The following SEMA6D variants were observed in gnomAD, a reference collection of about 807,000 sequenced individuals.
The protein encoded by SEMA6D is semaphorin-6D.
Under a neutral mutation model 106.6 loss-of-function variants are expected in SEMA6D, and 35 were observed. The observed-to-expected ratio is 0.33, with a 90% confidence interval of 0.25 to 0.44. The LOEUF (loss-of-function observed/expected upper bound fraction) is 0.44. Ranked by LOEUF, SEMA6D falls within the 20% of genes least tolerant of loss-of-function variation. The pLI, the probability that SEMA6D is intolerant of heterozygous loss-of-function variation, is 1.00. For synonymous variants in SEMA6D, 499 were observed against 487.7 expected, an observed-to-expected ratio of 1.02 and a Z score of -0.31; for missense variants, 1,185 against 1,345.9, an observed-to-expected ratio of 0.88 and a Z score of 1.87.
At chr15:47,203,935 T>C (rs1894882217) in intron 1 of SEMA6D, among the ~76,000 whole-genome samples, 1 of 152,150 alleles carries the variant, frequency 6.6e-6, no homozygotes, top group Admixed American at 6.5e-5. Context: ...AAACAGAAAA[T>C]ATCCATGGCA....
intron 1 of SEMA6D, among the ~76,000 whole-genome samples, chr15:47,355,452 G>C (rs2038528274): frequency 6.6e-6 from 1 of 152,124 alleles, no homozygotes; most frequent in Admixed American, 6.5e-5. Context: ...TCAGAAGTGG[G>C]AAAAATAATT....
intron 4 of SEMA6D, among the ~76,000 whole-genome samples, chr15:47,657,876 G>T (rs1246032241): frequency 6.6e-6 from 1 of 150,858 alleles, no homozygotes. Context: ...GAGTAGCTGG[G>T]ACTACAGGGA....
rs151035845 is a variant in SEMA6D at position 47,641,063 on chromosome 15, G to A, written c.-55+40167G>A. Among the ~76,000 whole-genome samples, 28 of 152,260 alleles carry A rather than the reference G, an allele frequency of 1.8e-4. No homozygotes were observed. In the East Asian group the frequency reaches 5.0e-3, roughly 27 times the overall value. On this transcript the variant is annotated intron_variant, in intron 4 of 19. Transcript: ENST00000558014. Reference sequence around the variant, plus strand: ...GTCCTTTTCAAAGCCAAGTTAAATGGAGCGGAGTGGGAGGGGGAGGAGTTG... The same window carrying A: ...GTCCTTTTCAAAGCCAAGTTAAATGAAGCGGAGTGGGAGGGGGAGGAGTTG...
At chr15:47,675,172 T>C (rs979961551) in intron 4 of SEMA6D, among the ~76,000 whole-genome samples, 2 of 152,200 alleles carry the variant, frequency 1.3e-5, no homozygotes, top group East Asian at 1.9e-4. Flanking sequence ...TAATTTAGGA[T>C]GATTTAACTC....
At chr15:47,234,821 G>A (rs62013986) in intron 1 of SEMA6D, among the ~76,000 whole-genome samples, 1,779 of 152,174 alleles carry the variant, frequency 0.012, 34 homozygotes, top group Admixed American at 0.012. Context: ...ATGTGCAGGT[G>A]CATTTTTGAT....
intron 1 of SEMA6D, among the ~76,000 whole-genome samples, chr15:47,408,734 C>T (rs1449441171): frequency 1.3e-5 from 2 of 152,158 alleles, no homozygotes; most frequent in East Asian, 1.9e-4. Flanking sequence ...TTAGGTTTAA[C>T]GAAAGCAATT....
chr15:47,315,831 T>G (rs754095576), intron 1 of SEMA6D, among the ~76,000 whole-genome samples: 11 of 152,136 alleles, frequency 7.2e-5, no homozygotes, highest in Non-Finnish European at 1.3e-4. Flanking sequence ...ACCTAGGTAT[T>G]TCATTTTGGA....
intron 1 of SEMA6D, chr15:47,730,287 C>T (rs1455400665): frequency 7.2e-6 from 11 of 1,533,304 alleles, no homozygotes; most frequent in Admixed American, 1.7e-5. Context: ...ATAGCTTCCA[C>T]CAGCTTAGCC....
chr15:47,624,274 C>T (rs1166653909), intron 4 of SEMA6D, among the ~76,000 whole-genome samples: 1 of 152,192 alleles, frequency 6.6e-6, no homozygotes, highest in Non-Finnish European at 1.5e-5. Flanking sequence ...TACTTGCATG[C>T]TTCCCTAGCT....
intron 2 of SEMA6D, among the ~76,000 whole-genome samples, chr15:47,413,606 C>G (rs572302334): frequency 1.8e-4 from 27 of 152,038 alleles, no homozygotes; most frequent in Non-Finnish European, 3.5e-4. Flanking sequence ...ACCTCAGCCT[C>G]CTGAGTAGCT....
chr15:47,583,557 G>A (rs12907773), intron 3 of SEMA6D, among the ~76,000 whole-genome samples: 37,739 of 152,072 alleles, frequency 0.25, 5,558 homozygotes, highest in East Asian at 0.46. Flanking sequence ...TCAGGATTGC[G>A]TCCTTTGTGC....
chr15:47,304,084 C>T lies in SEMA6D; in HGVS notation c.-238-108309C>T, dbSNP rs188946856. ...GAGTGTTTTAGCATGAGTTTTATAC[C>T]ATTATGCATACATTTTTTCTCCAGA... On this transcript the variant is annotated intron_variant, in intron 1 of 19. Coordinates refer to the SEMA6D transcript ENST00000558014. Among the ~76,000 whole-genome samples, 36 of 152,176 alleles carry T rather than the reference C, an allele frequency of 2.4e-4. No homozygotes were observed. In the East Asian group the frequency reaches 5.4e-3, roughly 23 times the overall value.
At chr15:47,188,176 A>G (rs1201682801) in intron 1 of SEMA6D, among the ~76,000 whole-genome samples, 1 of 152,172 alleles carries the variant, frequency 6.6e-6, no homozygotes, top group Non-Finnish European at 1.5e-5. Context: ...CTATGAGTTT[A>G]GCTCTTATTA....
At chr15:47,732,022 C>A (rs1596843777) in intron 1 of SEMA6D, among the ~76,000 whole-genome samples, 2 of 152,240 alleles carry the variant, frequency 1.3e-5, no homozygotes, top group Non-Finnish European at 2.9e-5. Flanking sequence ...AGTCTAGTTT[C>A]CTTTTCTGTA....
intron 2 of SEMA6D, among the ~76,000 whole-genome samples, chr15:47,469,713 G>T (rs2042773316): frequency 6.6e-6 from 1 of 152,036 alleles, no homozygotes; most frequent in Admixed American, 6.6e-5. Flanking sequence ...TCTTCATTTA[G>T]CTTCCAATCT....
chr15:47,736,874 C>A (rs2080474050), intron 1 of SEMA6D, among the ~76,000 whole-genome samples: 1 of 152,074 alleles, frequency 6.6e-6, no homozygotes, highest in African/African-American at 2.4e-5. Flanking sequence ...GGTTTTCTTA[C>A]TCCTGTGTGA....
intron 1 of SEMA6D, among the ~76,000 whole-genome samples, chr15:47,312,133 G>T (rs1486290973): frequency 1.5e-5 from 2 of 129,522 alleles, no homozygotes; most frequent in African/African-American, 5.7e-5. Context: ...TTTTGCTTAG[G>T]CGTCTTTCTA....
chr15:47,467,068 T>A (rs1245406314), intron 2 of SEMA6D, among the ~76,000 whole-genome samples: 4 of 152,034 alleles, frequency 2.6e-5, no homozygotes, highest in Non-Finnish European at 5.9e-5. Flanking sequence ...ACCTTTTTCA[T>A]AATGGTTGTA....
chr15:47,570,537 C>A (rs2046353532), intron 3 of SEMA6D, among the ~76,000 whole-genome samples: 1 of 152,204 alleles, frequency 6.6e-6, no homozygotes, highest in Non-Finnish European at 1.5e-5. Context: ...TACCACTTGA[C>A]ACCTGAGATT....
Sources: gnomAD v4.1 joint callset for allele counts (sites outside exome capture counted in the v4.1 genomes callset) on GRCh38, gnomAD v4.1.1 for gene constraint, MANE v1.5 for transcripts, NCBI Gene and HGNC (gene_info 2026-07-23, HGNC 2026-07-21) for gene names.